ANKLE2: variants seen among roughly 807,000 people sequenced by gnomAD.
The protein encoded by ANKLE2 is ankyrin repeat and LEM domain-containing protein 2.
In ANKLE2, 55 loss-of-function variants were observed where a neutral mutation model predicts 84.2. The observed-to-expected ratio is 0.65, with a 90% CI of 0.53 to 0.82. The LOEUF is 0.82. Among genes scored for constraint, ANKLE2 ranks in the 40% least tolerant of loss-of-function variants. The probability of loss-of-function intolerance (pLI) is 0.00; values close to 1 mark genes in which losing one functional copy is unlikely to be tolerated. For synonymous variants in ANKLE2, 551 were observed against 486.1 expected, an observed-to-expected ratio of 1.13 and a Z score of -1.76; for missense variants, 1,238 against 1,201.9, an observed-to-expected ratio of 1.03 and a Z score of -0.44.
intron 11 of ANKLE2, 69 bp from the exon 12 acceptor site, chr12:132,728,232 CTTT>C: frequency 7.2e-7 from 1 of 1,385,220 alleles, no homozygotes; most frequent in Non-Finnish European, 9.9e-7. Flanking sequence ...AATACCACTA[CTTT>C]TTTTTTTATT....
rs2043713278 is a variant in ANKLE2 at position 132,727,052 on chromosome 12, T to G, written c.*190A>C. On this transcript the variant is annotated 3_prime_UTR_variant, in exon 13 of 13. Transcript: ENST00000357997. ...GGTAACTGAGTTTGCTTTCATTAAC[T>G]TCTAACTTCTTCCAAAATATCAGAA... 1.5e-6 allele frequency: 1 copy of G among 653,718 alleles called. No individual in the cohort carries two copies. The highest frequency in any genetic ancestry group is 2.3e-6 in the Non-Finnish European group (1 of 429,004). 40.5% of individuals were successfully genotyped at this position (653,718 alleles called of 1,614,324 possible).
At chr12:132,740,829 AGAGGCGAGTGGGGAGGGAACGTCCCG>A (rs150939981) in intron 7 of ANKLE2, among the ~76,000 whole-genome samples, 1 of 143,952 alleles carries the variant, frequency 6.9e-6, no homozygotes, top group Non-Finnish European at 1.5e-5. Flanking sequence ...CCTCTCTCCC[AGAGGCGAGTGGGGAGGGAACGTCCCG>A]GAGGCGAGTG....
intron 11 of ANKLE2, among the ~76,000 whole-genome samples, chr12:132,729,047 A>G (rs1354615821): frequency 6.6e-6 from 1 of 151,988 alleles, no homozygotes; most frequent in African/African-American, 2.4e-5. Context: ...GCACACGGCA[A>G]GTCCACACAA....
chr12:132,744,051 GC>G (rs1566025700), intron 5 of ANKLE2, among the ~76,000 whole-genome samples: 2 of 152,150 alleles, frequency 1.3e-5, no homozygotes, highest in African/African-American at 2.4e-5. Context: ...CGTCCATGAC[GC>G]TGCGTCACGC....
Position 132,727,179 on chromosome 12 carries a change from C to G in ANKLE2, c.*63G>C, listed in dbSNP as rs1042404485. 7.0e-7 allele frequency: 1 copy of G among 1,426,050 alleles called. No individual in the cohort carries two copies. Among genetic ancestry groups the G allele is most frequent in the Non-Finnish European group, 9.3e-7 (1 of 1,075,318 alleles). The allele number at this position is 1,426,050 out of a possible 1,614,324, so 88.3% of individuals were successfully genotyped here. On this transcript the variant is annotated 3_prime_UTR_variant, in exon 13 of 13. Transcript: ENST00000357997. Reference sequence around the variant, plus strand: ...AATATATTCCTTTTTGACAGTTTAGCAATAAACATATGACCCTTCCTTCTT... The same window carrying G: ...AATATATTCCTTTTTGACAGTTTAGGAATAAACATATGACCCTTCCTTCTT...
chr12:132,733,835 C>A (rs908828759), intron 10 of ANKLE2, among the ~76,000 whole-genome samples: 1 of 152,062 alleles, frequency 6.6e-6, no homozygotes, highest in African/African-American at 2.4e-5. Context: ...TCAGGCTCAG[C>A]CAATGGAGTT....
intron 1 of ANKLE2, chr12:132,756,979 TAAAC>T (rs1448566879): frequency 2.0e-5 from 3 of 149,236 alleles, no homozygotes; most frequent in African/African-American, 7.4e-5. Context: ...AATAAGTAAA[TAAAC>T]AAAAAGATGG....
intron 2 of ANKLE2, among the ~76,000 whole-genome samples, chr12:132,752,294 C>T (rs542560973): frequency 6.6e-6 from 1 of 152,280 alleles, no homozygotes; most frequent in Non-Finnish European, 1.5e-5. Flanking sequence ...GAGCCAAGAT[C>T]GCACCACTGC....
rs1024668928 is a variant in ANKLE2, at chr12:132,751,028, C to A, written c.641-179G>T. 2.6e-5 allele frequency: 16 copies of A among 605,112 alleles called. No homozygotes were observed. The African/African-American group carries it at 3.0e-4, about 11-fold the overall frequency. The allele number at this position is 605,112 out of a possible 1,614,324, so 37.5% of individuals were successfully genotyped here. ...TAGCCAAAATAGAACAATTAACAAG[C>A]TCGACAGTGTGCATATATGCATGTA... On this transcript the variant is annotated intron_variant, in intron 2 of 12. Transcript: ENST00000357997.
chr12:132,743,104 T>C lies in ANKLE2; in HGVS notation c.1353+50A>G. The C allele has an allele frequency of 1.3e-6, 2 of 1,518,882 alleles. No homozygotes were observed. The highest frequency in any genetic ancestry group is 2.6e-5 in the South Asian group (2 of 77,248). The allele number at this position is 1,518,882 out of a possible 1,614,324, so 94.1% of individuals were successfully genotyped here. On this transcript the variant is annotated intron_variant, in intron 6 of 12. Transcript: ENST00000357997. The surrounding 1 kb of genome is among the most constrained non-coding windows in gnomAD (Gnocchi z 4.1). ...TGTGATCACAGACTGTAAATTTATA[T>C]ATTTCCATTTCTAACTCTAGATAGC... is the stretch of plus-strand genomic sequence containing the variant.
chr12:132,753,817 G>C (rs1288983313), intron 2 of ANKLE2, among the ~76,000 whole-genome samples: 1 of 152,186 alleles, frequency 6.6e-6, no homozygotes, highest in Non-Finnish European at 1.5e-5. Flanking sequence ...TGTGGTCCCA[G>C]CTACTCAAGC....
chr12:132,760,133 CAAAAAAAAA>C (rs558423201), intron 1 of ANKLE2: 1 of 103,084 alleles, frequency 9.7e-6, no homozygotes, highest in African/African-American at 3.8e-5. Context: ...GACTACATTT[CAAAAAAAAA>C]AAAAAAAAAA....
rs1334824087 is a variant in ANKLE2 at position 132,735,419 on chromosome 12, C to G, written c.1687G>C (p.Glu563Gln). The G allele has an allele frequency of 2.5e-6, 4 of 1,614,022 alleles. No individual in the cohort carries two copies. The highest frequency in any genetic ancestry group is 3.4e-6 in the Non-Finnish European group (4 of 1,180,026). ...VKKSDPERGF[E>Q]RVGRELAHEL... ...GCCTTTCAGTACCTTCCCACTCTCT[C>G]AAAGCCTCTTTCCGGGTCCGACTTC... The change falls in exon 9 of 13, where the codon GAG (glutamate) becomes CAG (glutamine). Residue 563 changes from glutamate to glutamine, a missense_variant. By Grantham distance (29) the Glu-to-Gln change is conservative (BLOSUM62 2). Around this residue, in one of 3 missense-constraint regions of ANKLE2, gnomAD observed 802 missense variants for 774.5 expected, o/e 1.04. Transcript: ENST00000357997.
At chr12:132,732,722 C>G (rs2043903176) in intron 10 of ANKLE2, among the ~76,000 whole-genome samples, 4 of 115,954 alleles carry the variant, frequency 3.4e-5, no homozygotes, top group Admixed American at 1.7e-4. Flanking sequence ...GTGAAGCTCT[C>G]TGCGTCCTGG....
intron 10 of ANKLE2, chr12:132,730,724 A>C (rs1373346951): frequency 1.2e-5 from 2 of 161,526 alleles, no homozygotes; most frequent in Non-Finnish European, 2.7e-5. Flanking sequence ...CTCAAGTGGG[A>C]GGATCGCTTG....
At chr12:132,744,631 T>C (rs575771982) in intron 5 of ANKLE2, among the ~76,000 whole-genome samples, 4 of 152,310 alleles carry the variant, frequency 2.6e-5, no homozygotes, top group Non-Finnish European at 5.9e-5. Context: ...TACTCCATCC[T>C]TCTGTCCAGG....
At chr12:132,755,256 T>C (rs1362702956) in intron 1 of ANKLE2, 123 bp from the exon 2 acceptor site, 1 of 1,009,508 alleles carries the variant, frequency 9.9e-7, no homozygotes, top group Non-Finnish European at 1.4e-6. Flanking sequence ...AAAAACTTTT[T>C]TTCTTGGCTG....
intron 5 of ANKLE2, among the ~76,000 whole-genome samples, chr12:132,746,115 A>G (rs1044971876): frequency 3.3e-5 from 5 of 152,170 alleles, no homozygotes; most frequent in Admixed American, 2.6e-4. Flanking sequence ...CTGGGAGGCC[A>G]AGGCGGGCCG....
intron 2 of ANKLE2, among the ~76,000 whole-genome samples, chr12:132,753,763 C>CA (rs545094318): frequency 1.3e-4 from 20 of 149,824 alleles, no homozygotes; most frequent in South Asian, 2.1e-4. Flanking sequence ...CAAAACAAAA[C>CA]AAAAAAAAAC....
Sources: gnomAD v4.1 joint callset for allele counts (sites outside exome capture counted in the v4.1 genomes callset) on GRCh38, gnomAD v4.1.1 for gene constraint, gnomAD v4.1.1 regional missense constraint, Gnocchi (gnomAD v3.1) non-coding constraint, MANE v1.5 for transcripts, NCBI Gene and HGNC (gene_info 2026-07-23, HGNC 2026-07-21) for gene names.